CDC42EP3: variants seen among roughly 807,000 people sequenced by gnomAD.
CDC42EP3 encodes the protein CDC42 effector protein 3.
CDC42EP3 carries 4 observed loss-of-function variants against 15.5 expected under a neutral mutation model. The observed-to-expected ratio is 0.26, with a 90% confidence interval of 0.13 to 0.59. The LOEUF (loss-of-function observed/expected upper bound fraction) is 0.59, where lower values mean the gene tolerates loss of function less well. Among genes scored for constraint, CDC42EP3 ranks in the 20% least tolerant of loss-of-function variants. CDC42EP3 has a pLI of 0.89. For synonymous variants in CDC42EP3, 145 were observed against 130.3 expected (o/e 1.11, Z -0.77); for missense variants, 309 against 311.2 (o/e 0.99, Z 0.05).
At chr2:37,662,646 C>T (rs1356440742) in intron 1 of CDC42EP3, among the ~76,000 whole-genome samples, 1 of 152,222 alleles carries the variant, frequency 6.6e-6, no homozygotes, top group Non-Finnish European at 1.5e-5. Context: ...GCAAGTAAAG[C>T]ACCACCATCC....
intron 1 of CDC42EP3, among the ~76,000 whole-genome samples, chr2:37,661,276 G>A (rs149843024): frequency 3.5e-4 from 53 of 152,286 alleles, no homozygotes; most frequent in African/African-American, 1.1e-3. Context: ...TATATGCTCA[G>A]TAGGCACTGA....
intron 1 of CDC42EP3, among the ~76,000 whole-genome samples, chr2:37,651,574 G>C (rs1341964953): frequency 6.6e-6 from 1 of 152,220 alleles, no homozygotes; most frequent in Non-Finnish European, 1.5e-5. Flanking sequence ...ATCACTTTTT[G>C]CTTCTGTGAT....
rs542441836 is a variant in CDC42EP3, at chr2:37,643,473, A to G, written c.*2350T>C. The G allele has an allele frequency of 6.6e-6, 1 of 152,264 alleles. No individual in the cohort carries two copies. Among genetic ancestry groups the G allele is most frequent in the Non-Finnish European group, 1.5e-5 (1 of 68,050 alleles). 9.4% of individuals were successfully genotyped at this position (152,264 alleles called of 1,614,324 possible). On this transcript the variant is annotated 3_prime_UTR_variant, in exon 2 of 2. Coordinates refer to ENST00000295324, the MANE Select transcript of CDC42EP3 (RefSeq NM_006449.5). ...TACATGAAAGAACTCCCAGAAACTAAAATGGCTAACTGTAGGCAGGATGTG... is the reference window on the plus strand; with the variant it reads ...TACATGAAAGAACTCCCAGAAACTAGAATGGCTAACTGTAGGCAGGATGTG...
chr2:37,662,939 C>A (rs1017272372), intron 1 of CDC42EP3, among the ~76,000 whole-genome samples: 4 of 152,094 alleles, frequency 2.6e-5, no homozygotes, highest in African/African-American at 9.7e-5. Context: ...CCGAGGCGGG[C>A]GGATCGCCTG....
chr2:37,654,645 T>A (rs1206693639), intron 1 of CDC42EP3, among the ~76,000 whole-genome samples: 2 of 152,128 alleles, frequency 1.3e-5, no homozygotes, highest in Non-Finnish European at 2.9e-5. Context: ...GTGTTCACGT[T>A]CCCATTTATT....
At chr2:37,666,967 G>A (rs13396420) in intron 1 of CDC42EP3, among the ~76,000 whole-genome samples, 6,898 of 152,250 alleles carry the variant, frequency 0.045, 264 homozygotes, top group Non-Finnish European at 0.065. Flanking sequence ...CTCCAAGACT[G>A]TAACCATTGG....
intron 1 of CDC42EP3, among the ~76,000 whole-genome samples, chr2:37,667,438 G>A (rs1044966231): frequency 1.3e-5 from 2 of 152,098 alleles, no homozygotes; most frequent in African/African-American, 4.8e-5. Context: ...ATTTTGAAGC[G>A]AGCACACAGT....
intron 1 of CDC42EP3, among the ~76,000 whole-genome samples, chr2:37,654,476 T>G (rs961353921): frequency 8.6e-5 from 13 of 151,882 alleles, no homozygotes; most frequent in African/African-American, 3.2e-4. Flanking sequence ...AAGCAGAAAC[T>G]ACAAGGAAAG....
intron 1 of CDC42EP3, among the ~76,000 whole-genome samples, chr2:37,663,037 T>C (rs927298026): frequency 3.9e-5 from 6 of 152,092 alleles, no homozygotes; most frequent in Non-Finnish European, 7.4e-5. Flanking sequence ...TGGTGGCGGG[T>C]GCCTGTAATC....
intron 1 of CDC42EP3, among the ~76,000 whole-genome samples, chr2:37,663,005 A>T (rs1666118752): frequency 6.6e-6 from 1 of 152,226 alleles, no homozygotes; most frequent in African/African-American, 2.4e-5. Context: ...TCTCTACTAA[A>T]GATACAAAAA....
intron 1 of CDC42EP3, among the ~76,000 whole-genome samples, chr2:37,658,654 T>C (rs775465588): frequency 6.6e-6 from 1 of 152,138 alleles, no homozygotes; most frequent in Non-Finnish European, 1.5e-5. Context: ...CAGAAGTCAC[T>C]CAATTCCAAA....
chr2:37,653,223 A>G (rs902860860), intron 1 of CDC42EP3, among the ~76,000 whole-genome samples: 4 of 152,184 alleles, frequency 2.6e-5, no homozygotes, highest in African/African-American at 9.7e-5. Context: ...CACATGTGGC[A>G]GGCAGACAGG....
chr2:37,649,123 CAGCCTGGGCA>C, intron 1 of CDC42EP3, among the ~76,000 whole-genome samples: 1 of 150,824 alleles, frequency 6.6e-6, no homozygotes, highest in Middle Eastern at 3.4e-3. Context: ...AGTTTGAGGT[CAGCCTGGGCA>C]ACATAGCAAG....
chr2:37,663,558 G>A lies in CDC42EP3; in HGVS notation c.-236+7868C>T, dbSNP rs1037439665. 2.6e-5 allele frequency among the ~76,000 whole-genome samples: 4 copies of A among 152,302 alleles called. No individual in the cohort carries two copies. In the East Asian group the frequency reaches 7.7e-4, roughly 29 times the overall value. On this transcript the variant is annotated intron_variant, in intron 1 of 1. Transcript: ENST00000295324. The stretch of plus-strand genomic sequence containing the variant: ...CCGCGGAGATCTTGAGAAGGTTCCA[G>A]CAGGGGCTTGACCTATTTCCACAGG...
At chr2:37,655,351 A>G (rs1665813923) in intron 1 of CDC42EP3, among the ~76,000 whole-genome samples, 3 of 152,256 alleles carry the variant, frequency 2.0e-5, no homozygotes, top group Non-Finnish European at 4.4e-5. Context: ...CACAAATACC[A>G]TATGTGAGAC....
At chr2:37,669,466 C>T (rs1666341535) in intron 1 of CDC42EP3, among the ~76,000 whole-genome samples, 1 of 152,118 alleles carries the variant, frequency 6.6e-6, no homozygotes, top group Non-Finnish European at 1.5e-5. Flanking sequence ...CATCTTGCAC[C>T]GCACTTAAAT....
chr2:37,669,118 ATAATAC>A (rs1263077057), intron 1 of CDC42EP3, among the ~76,000 whole-genome samples: 3 of 152,102 alleles, frequency 2.0e-5, no homozygotes, highest in African/African-American at 7.2e-5. Flanking sequence ...AATAATAATA[ATAATAC>A]GATCAGAGCA....
rs1393097161 is a variant in CDC42EP3 at position 37,671,597 on chromosome 2, G to T, written c.-407C>A. 1 of 152,192 alleles carries T rather than the reference G, an allele frequency of 6.6e-6. No individual in the cohort carries two copies. The highest frequency in any genetic ancestry group is 1.9e-4 in the East Asian group (1 of 5,176). 9.4% of individuals were successfully genotyped at this position (152,192 alleles called of 1,614,324 possible). A position where few individuals can be genotyped will look rare whatever the true frequency, so the allele number is the denominator to read the frequency against. ...GGCCGGTGGCCGGGTCTCCGGGCTA[G>T]CCCCGCGCTGCGGTCCCCCGGCCGC... On this transcript the variant is annotated 5_prime_UTR_variant, in exon 1 of 2. Coordinates refer to ENST00000295324, the MANE Select transcript of CDC42EP3 (RefSeq NM_006449.5).
At chr2:37,669,104 C>CAAT (rs201597407) in intron 1 of CDC42EP3, among the ~76,000 whole-genome samples, 25 of 151,464 alleles carry the variant, frequency 1.7e-4, no homozygotes, top group Middle Eastern at 6.8e-3. Context: ...ATCTGAATAA[C>CAAT]AATAATAATA....
Sources: gnomAD v4.1 joint callset for allele counts (sites outside exome capture counted in the v4.1 genomes callset) on GRCh38, gnomAD v4.1.1 for gene constraint, MANE v1.5 for transcripts, NCBI Gene and HGNC (gene_info 2026-07-23, HGNC 2026-07-21) for gene names.